NCBP1: variants seen among roughly 807,000 people sequenced by gnomAD.
NCBP1 encodes the protein nuclear cap binding protein subunit 1, also known as nuclear cap-binding protein subunit 1.
A neutral mutation model predicts 111.7 loss-of-function variants in NCBP1; 16 were observed. The observed-to-expected ratio is 0.14, with a 90% CI of 0.10 to 0.22. The LOEUF is 0.22. Among genes scored for constraint, NCBP1 ranks in the 10% least tolerant of loss-of-function variants. The pLI is 1.00. For missense variants in NCBP1, 607 were observed against 957.5 expected, an observed-to-expected ratio of 0.63 and a Z score of 4.83; for synonymous variants, 304 against 314.3, an observed-to-expected ratio of 0.97 and a Z score of 0.35.
intron 1 of NCBP1, 116 bp downstream of exon 1, chr9:97,634,031 C>T: frequency 1.6e-6 from 2 of 1,261,534 alleles, no homozygotes; most frequent in Non-Finnish European, 2.1e-6. Context: ...GTGCGGGGAG[C>T]CGCGGAGGGA....
Position 97,640,813 on chromosome 9 carries a change from G to A in NCBP1, c.54G>A (p.Arg18=). 3 of 1,609,154 alleles carry A rather than the reference G, an allele frequency of 1.9e-6. No homozygotes were observed. Among genetic ancestry groups the A allele is most frequent in the Non-Finnish European group, 2.5e-6 (3 of 1,177,980 alleles). The change falls in exon 2 of 23, where the codon AGG becomes AGA. Residue 18 remains arginine (R), a synonymous_variant. Transcript: ENST00000375147. ...AAATAGGTGGGCAGCCTCACAAAAG[G>A]AGAAAGACCTCTGATGCAAATGAAA... The part of the protein sequence containing the change: ...DENDGGQPHK[R]RKTSDANETE...
chr9:97,656,554 AAAAAT>A (rs766177662), intron 14 of NCBP1, among the ~76,000 whole-genome samples: 18 of 152,370 alleles, frequency 1.2e-4, no homozygotes, highest in South Asian at 2.1e-4. Context: ...CTTATCTCAA[AAAAAT>A]AAAATAAAAA....
At position 97,669,231 on chromosome 9, in the gene NCBP1, TTA is replaced by T. The variant is rs146985602; in HGVS notation, c.2145+263_2145+264del. ...GAAAAAAAATTGTGGGTTGCTTTTTTTATATATGTCTCGTTTAATTATTCCTC... is the reference window on the plus strand; with the variant it reads ...GAAAAAAAATTGTGGGTTGCTTTTTTTATATGTCTCGTTTAATTATTCCTC... On this transcript the variant is annotated intron_variant, in intron 21 of 22. Coordinates refer to ENST00000375147, the MANE Select transcript of NCBP1 (RefSeq NM_002486.5). Among the ~76,000 whole-genome samples the T allele has an allele frequency of 9.8e-3, 1,490 of 152,318 alleles. 11 individuals are homozygous for T. The highest frequency in any genetic ancestry group is 0.013 in the Non-Finnish European group (877 of 68,010).
At chr9:97,643,085 A>G in intron 3 of NCBP1, 119 bp from the exon 4 acceptor site, 1 of 976,418 alleles carries the variant, frequency 1.0e-6, no homozygotes, top group Non-Finnish European at 1.5e-6. Flanking sequence ...ATTTTTAAAG[A>G]CATAGCTAAA....
intron 14 of NCBP1, among the ~76,000 whole-genome samples, chr9:97,657,477 A>C (rs1827693402): frequency 6.6e-6 from 1 of 152,232 alleles, no homozygotes; most frequent in African/African-American, 2.4e-5. Context: ...CTAGAGGCAC[A>C]TGATTCCCAC....
chr9:97,647,443 A>G, intron 6 of NCBP1, 49 bp from the exon 7 acceptor site: 5 of 1,401,182 alleles, frequency 3.6e-6, no homozygotes, highest in Admixed American at 1.7e-5. Flanking sequence ...GTGACTGAGC[A>G]TCTCTTGTTT....
At position 97,633,953 on chromosome 9, in the gene NCBP1, G is replaced by T. The variant is rs1039023820; in HGVS notation, c.34+38G>T. The T allele has an allele frequency of 2.6e-6, 4 of 1,559,784 alleles. No homozygotes were observed. The African/African-American group carries it at 5.5e-5, about 21-fold the overall frequency. On this transcript the variant is annotated intron_variant, in intron 1 of 22. Coordinates refer to ENST00000375147, the MANE Select transcript of NCBP1 (RefSeq NM_002486.5). ...GGCCCGGCCACGGAGGCCGCTCCCG[G>T]TTGGGAGCCGAGGCTCGGCGTCTTT...
At chr9:97,654,127 A>C (rs1346727274) in intron 11 of NCBP1, among the ~76,000 whole-genome samples, 1 of 152,194 alleles carries the variant, frequency 6.6e-6, no homozygotes, top group Non-Finnish European at 1.5e-5. Context: ...GGAGTTCAAA[A>C]ATAGACAACA....
chr9:97,668,178 C>G (rs539854214), intron 20 of NCBP1, among the ~76,000 whole-genome samples: 1 of 152,324 alleles, frequency 6.6e-6, no homozygotes, highest in South Asian at 2.1e-4. Flanking sequence ...GAGCCACGTT[C>G]TGGCTCTGCC....
chr9:97,645,159 G>C lies in NCBP1; in HGVS notation c.424G>C (p.Ala142Pro). The change falls in exon 5 of 23, where the codon GCC becomes CCC. Residue 142 changes from alanine to proline, a missense_variant. By Grantham distance (27) the Ala-to-Pro change is conservative. This residue lies in a region of NCBP1 where 185 missense variants were observed against 272.0 expected (regional missense o/e 0.68). Transcript: ENST00000375147. Reference protein sequence around the residue: ...SDLVNCHVIAAPSMVAMFENF... With the variant: ...SDLVNCHVIAPPSMVAMFENF... ...TCTTGTGAATTGTCATGTGATTGCC[G>C]CCCCATCAATGGTTGCTATGTTTGA... The C allele has an allele frequency of 6.2e-7, 1 of 1,613,350 alleles. No individual in the cohort carries two copies. The highest frequency in any genetic ancestry group is 8.5e-7 in the Non-Finnish European group (1 of 1,179,528).
intron 10 of NCBP1, 87 bp downstream of exon 10, chr9:97,651,460 A>T: frequency 8.9e-7 from 1 of 1,117,576 alleles, no homozygotes; most frequent in Non-Finnish European, 1.3e-6. Context: ...TTATTTATTT[A>T]TTTATTTATT....
At chr9:97,651,233 C>A in intron 9 of NCBP1, 77 bp from the exon 10 acceptor site, 1 of 1,211,650 alleles carries the variant, frequency 8.3e-7, no homozygotes, top group Non-Finnish European at 1.2e-6. Flanking sequence ...TATCTAAACA[C>A]ATTGCTTTTG....
chr9:97,635,414 C>T (rs1003116663), intron 1 of NCBP1, among the ~76,000 whole-genome samples: 1 of 141,958 alleles, frequency 7.0e-6, no homozygotes, highest in East Asian at 2.0e-4. Context: ...AATTCCCTCC[C>T]TTTTTTTTTT....
intron 8 of NCBP1, among the ~76,000 whole-genome samples, chr9:97,649,733 C>T (rs560262295): frequency 4.8e-4 from 55 of 114,580 alleles, no homozygotes; most frequent in African/African-American, 1.3e-3. Context: ...TGTTTGTGGT[C>T]GGGTATTTTT....
rs1379182631 is a variant in NCBP1 at position 97,665,915 on chromosome 9, A to G, written c.1902-848A>G. 5.3e-5 allele frequency among the ~76,000 whole-genome samples: 8 copies of G among 152,204 alleles called. No individual in the cohort carries two copies. In the South Asian group the frequency reaches 1.4e-3, roughly 28 times the overall value. On this transcript the variant is annotated intron_variant, in intron 19 of 22. Transcript: ENST00000375147. ...ATATCCTGTATTCTTACAATAAATC[A>G]TAAGAGAGGAAACATTCATGAAGTG... is the stretch of plus-strand genomic sequence containing the variant.
At chr9:97,663,923 A>G (rs990816135) in intron 18 of NCBP1, among the ~76,000 whole-genome samples, 1 of 151,928 alleles carries the variant, frequency 6.6e-6, no homozygotes, top group African/African-American at 2.4e-5. Context: ...TCTTACCTGT[A>G]ATCCTAGCAC....
Position 97,640,986 on chromosome 9 carries a change from C to G in NCBP1, c.123+104C>G. On this transcript the variant is annotated intron_variant, in intron 2 of 22. Coordinates refer to ENST00000375147, the MANE Select transcript of NCBP1 (RefSeq NM_002486.5). The stretch of plus-strand genomic sequence containing the variant: ...AAAGTTGGACTACATTTTGGCAAAG[C>G]TGGTATTACCATGCATCTGTATCCC... 3 of 779,888 alleles carry G rather than the reference C, an allele frequency of 3.8e-6. No individual in the cohort carries two copies. The South Asian group carries it at 5.7e-5, about 15-fold the overall frequency. 48.3% of individuals were successfully genotyped at this position (779,888 alleles called of 1,614,324 possible).
At chr9:97,661,950 G>T in intron 16 of NCBP1, 92 bp from the exon 17 acceptor site, 1 of 812,510 alleles carries the variant, frequency 1.2e-6, no homozygotes, top group Middle Eastern at 2.7e-4. Context: ...TCTGTGTATA[G>T]ATGTGAGCAA....
In NCBP1 at chr9:97,657,924, A is replaced by AT. The variant is rs1329735234; in HGVS notation, c.1374-715dup. Among the ~76,000 whole-genome samples the AT allele has an allele frequency of 1.9e-3, 232 of 119,460 alleles. 1 individual carries two copies. The highest frequency in any genetic ancestry group is 3.6e-3 in the Admixed American group (43 of 11,822). 78.4% of individuals were successfully genotyped at this position (119,460 alleles called of 152,430 possible). ...TCTCTCTCTATATATATATATATAT[A>AT]TATTTTTTTTTTTTTTTTTAACGTC... On this transcript the variant is annotated intron_variant, in intron 14 of 22. Coordinates refer to ENST00000375147, the MANE Select transcript of NCBP1 (RefSeq NM_002486.5).
Sources: allele counts gnomAD v4.1 joint callset (sites outside exome capture counted in the v4.1 genomes callset), GRCh38; gene constraint gnomAD v4.1.1; regional missense constraint gnomAD v4.1.1; transcripts MANE v1.5; gene names NCBI Gene and HGNC (gene_info 2026-07-23, HGNC 2026-07-21).